GALNTL6: variants seen among roughly 807,000 people sequenced by gnomAD.
GALNTL6 encodes polypeptide N-acetylgalactosaminyltransferase like 6.
Under a neutral mutation model 73.7 loss-of-function variants are expected in GALNTL6, and 46 were observed. The observed-to-expected ratio is 0.62, with a 90% CI of 0.49 to 0.80. The LOEUF (loss-of-function observed/expected upper bound fraction) is 0.80. GALNTL6 is among the 30% of genes least tolerant of loss of function. The pLI is 0.00. For missense variants in GALNTL6, 604 were observed against 755.0 expected, an observed-to-expected ratio of 0.80 and a Z score of 2.34; for synonymous variants, 259 against 263.7, an observed-to-expected ratio of 0.98 and a Z score of 0.17.
intron 2 of GALNTL6, among the ~76,000 whole-genome samples, chr4:172,053,100 G>C (rs554391405): frequency 6.6e-6 from 1 of 152,014 alleles, no homozygotes; most frequent in Non-Finnish European, 1.5e-5. Context: ...TACAACTAAG[G>C]CTGATTTTAA....
intron 10 of GALNTL6, among the ~76,000 whole-genome samples, chr4:172,998,655 A>G (rs75915094): frequency 6.6e-6 from 1 of 152,120 alleles, no homozygotes; most frequent in Non-Finnish European, 1.5e-5. Flanking sequence ...GCCAAATCCA[A>G]CAGCCTCTCC....
intron 4 of GALNTL6, among the ~76,000 whole-genome samples, chr4:172,330,126 C>T (rs551155063): frequency 2.6e-5 from 4 of 152,330 alleles, no homozygotes; most frequent in East Asian, 1.9e-4. Flanking sequence ...GGATTCATCC[C>T]CTTTTCTAGG....
At position 172,572,730 on chromosome 4, in the gene GALNTL6, G is replaced by A. The variant is rs201972039; in HGVS notation, c.553+224041G>A. Among the ~76,000 whole-genome samples the A allele has an allele frequency of 7.2e-5, 11 of 151,892 alleles. No individual in the cohort carries two copies. In the East Asian group the frequency reaches 9.7e-4, roughly 13 times the overall value. On this transcript the variant is annotated intron_variant, in intron 5 of 12. Transcript: ENST00000506823. ...GTACATGTTGTTATTTCATTTTTCC[G>A]AATGTTCCATCTGAAAAACATATAT...
At chr4:172,941,120 C>T (rs1748898544) in intron 9 of GALNTL6, among the ~76,000 whole-genome samples, 4 of 152,064 alleles carry the variant, frequency 2.6e-5, no homozygotes, top group Admixed American at 2.6e-4. Context: ...TTGTGCTTTC[C>T]CAATTTTCAG....
intron 2 of GALNTL6, among the ~76,000 whole-genome samples, chr4:172,173,761 T>G (rs1054269802): frequency 2.9e-4 from 44 of 152,342 alleles, no homozygotes; most frequent in African/African-American, 9.9e-4. Context: ...TTTGATAGTA[T>G]GTCTTTTTCA....
chr4:172,869,528 G>A (rs1744819878), intron 7 of GALNTL6, among the ~76,000 whole-genome samples: 1 of 152,138 alleles, frequency 6.6e-6, no homozygotes, highest in Admixed American at 6.6e-5. Flanking sequence ...GAGAAAAGCG[G>A]GGTGGGCTTT....
At chr4:172,052,886 TAAAAAAC>T (rs1397021173) in intron 2 of GALNTL6, among the ~76,000 whole-genome samples, 3 of 152,068 alleles carry the variant, frequency 2.0e-5, no homozygotes, top group Non-Finnish European at 4.4e-5. Context: ...GTATTTGCCT[TAAAAAAC>T]AAAAAACAAA....
chr4:171,973,816 C>G (rs1739641081), intron 2 of GALNTL6, among the ~76,000 whole-genome samples: 1 of 152,046 alleles, frequency 6.6e-6, no homozygotes, highest in South Asian at 2.1e-4. Context: ...GTGTTTGTCA[C>G]TTATATGGTA....
chr4:172,206,791 TGTTTTGTTTTTCTG>T (rs1300041940), intron 2 of GALNTL6, among the ~76,000 whole-genome samples: 8 of 52,624 alleles, frequency 1.5e-4, no homozygotes, highest in East Asian at 2.8e-3. Flanking sequence ...TGTTTTGTTT[TGTTTTGTTTTTCTG>T]TTTTTTTTGT....
At chr4:172,919,585 G>T (rs1222433367) in intron 8 of GALNTL6, among the ~76,000 whole-genome samples, 1 of 152,146 alleles carries the variant, frequency 6.6e-6, no homozygotes, top group African/African-American at 2.4e-5. Context: ...AAGAAGGAAG[G>T]TTCTGTTCCA....
intron 10 of GALNTL6, among the ~76,000 whole-genome samples, chr4:172,984,071 A>G (rs374020521): frequency 2.0e-5 from 3 of 152,188 alleles, no homozygotes; most frequent in African/African-American, 4.8e-5. Flanking sequence ...AGAAAACTAT[A>G]TATGTAACAA....
chr4:172,718,610 C>G (rs957172355), intron 5 of GALNTL6, among the ~76,000 whole-genome samples: 2 of 151,952 alleles, frequency 1.3e-5, no homozygotes, highest in Non-Finnish European at 2.9e-5. Context: ...TGCACTCTAG[C>G]CTGGGTGACA....
intron 8 of GALNTL6, among the ~76,000 whole-genome samples, chr4:172,907,546 C>A (rs1000252548): frequency 6.6e-6 from 1 of 152,158 alleles, no homozygotes; most frequent in African/African-American, 2.4e-5. Flanking sequence ...TTGCAAACTG[C>A]TTTTGCAAAA....
chr4:171,876,778 A>C (rs1350943994), intron 2 of GALNTL6, among the ~76,000 whole-genome samples: 1 of 152,246 alleles, frequency 6.6e-6, no homozygotes, highest in Non-Finnish European at 1.5e-5. Context: ...TTCAGCAAGC[A>C]GAGAATTACT....
chr4:172,467,859 T>TTTCTTTCTTTCTTTCC, intron 5 of GALNTL6, among the ~76,000 whole-genome samples: 1 of 107,438 alleles, frequency 9.3e-6, no homozygotes, highest in East Asian at 2.5e-4. Flanking sequence ...TCTTTCTTTC[T>TTTCTTTCTTTCTTTCC]TTCTTTCCTT....
At chr4:172,950,599 G>A (rs1749396968) in intron 9 of GALNTL6, among the ~76,000 whole-genome samples, 1 of 152,194 alleles carries the variant, frequency 6.6e-6, no homozygotes, top group African/African-American at 2.4e-5. Flanking sequence ...AGCGGAGTAA[G>A]AAAATGTACA....
rs953541314 is a variant in GALNTL6 at position 172,766,036 on chromosome 4, C to T, written c.554-43325C>T. 2.0e-5 allele frequency among the ~76,000 whole-genome samples: 3 copies of T among 152,088 alleles called. 1 individual carries two copies. Among genetic ancestry groups the T allele is most frequent in the Admixed American group, 1.3e-4 (2 of 15,268 alleles). On this transcript the variant is annotated intron_variant, in intron 5 of 12. Transcript: ENST00000506823. ...CTAAGACTGGACTACCTACAAGCAG[C>T]ATTCAAATATAACATGATAGCAGAA...
intron 7 of GALNTL6, among the ~76,000 whole-genome samples, chr4:172,878,759 G>C (rs62340323): frequency 0.095 from 14,346 of 151,666 alleles, 915 homozygotes; most frequent in East Asian, 0.29. Context: ...AGAGGAAGAT[G>C]ATAGATTTCA....
At chr4:172,126,848 T>C (rs150448855) in intron 2 of GALNTL6, among the ~76,000 whole-genome samples, 8 of 152,276 alleles carry the variant, frequency 5.3e-5, no homozygotes, top group East Asian at 1.9e-4. Flanking sequence ...TGAAACCTCA[T>C]TGACATTCCC....
Sources: gnomAD v4.1 joint callset for allele counts (sites outside exome capture counted in the v4.1 genomes callset) on GRCh38, gnomAD v4.1.1 for gene constraint, MANE v1.5 for transcripts, NCBI Gene and HGNC (gene_info 2026-07-23, HGNC 2026-07-21) for gene names.